The following DLG5 variants were observed in gnomAD, a reference collection of about 807,000 sequenced individuals.
DLG5 encodes discs large MAGUK scaffold protein 5.
A neutral mutation model predicts 189.8 loss-of-function variants in DLG5; 48 were observed. That is an observed-to-expected ratio of 0.25 (90% CI 0.20 to 0.32). The LOEUF is 0.32. Ranked by LOEUF, DLG5 falls within the 10% of genes least tolerant of loss-of-function variation. The pLI is 1.00. For synonymous variants in DLG5, 1,016 were observed against 1,054.1 expected (o/e 0.96, Z 0.70); for missense variants, 2,160 against 2,544.7 (o/e 0.85, Z 3.25).
chr10:77,935,509 G>C, the DLG5 span, among the ~76,000 whole-genome samples: 2 of 152,260 alleles, frequency 1.3e-5, no homozygotes, highest in African/African-American at 4.8e-5. Context: ...GCCCCACTCT[G>C]GCCTTGGATT....
At chr10:77,818,669 G>T (rs1842183098) in intron 17 of DLG5, among the ~76,000 whole-genome samples, 1 of 152,120 alleles carries the variant, frequency 6.6e-6, no homozygotes, top group African/African-American at 2.4e-5. Flanking sequence ...CTGCCACAGG[G>T]CCCTTCCTGA....
rs747443046 is a variant in DLG5 at position 77,806,744 on chromosome 10, C to T, written c.4967+14G>A. The T allele has an allele frequency of 1.4e-5, 22 of 1,595,472 alleles. No individual in the cohort carries two copies. Among genetic ancestry groups the T allele is most frequent in the Non-Finnish European group, 1.5e-5 (17 of 1,164,750 alleles). Reference sequence around the variant, plus strand: ...CCCCTGCCCCACCCCACCCCAGGCCCGGAGAACACTTACACATATTTGCTG... The same window carrying T: ...CCCCTGCCCCACCCCACCCCAGGCCTGGAGAACACTTACACATATTTGCTG... On this transcript the variant is annotated intron_variant, in intron 26 of 31. Coordinates refer to ENST00000372391, the MANE Select transcript of DLG5 (RefSeq NM_004747.4).
At chr10:77,880,962 CTTTTTTTTTTTTTTTTT>C (rs61636782) in intron 1 of DLG5, among the ~76,000 whole-genome samples, 3 of 73,238 alleles carry the variant, frequency 4.1e-5, no homozygotes, top group Non-Finnish European at 7.1e-5. Flanking sequence ...AACCCTAGAC[CTTTTTTTTTTTTTTTTT>C]TTTTTTTTTT....
intron 1 of DLG5, among the ~76,000 whole-genome samples, chr10:77,911,549 G>A (rs1037923516): frequency 4.6e-5 from 7 of 152,134 alleles, no homozygotes; most frequent in African/African-American, 1.7e-4. Context: ...ATAGCAGATT[G>A]GCAATGGTCA....
chr10:77,867,202 C>T, intron 2 of DLG5: 1 of 404,190 alleles, frequency 2.5e-6, no homozygotes, highest in South Asian at 1.8e-5. Flanking sequence ...CCTACTCAGG[C>T]TGGGAATTCC....
chr10:77,868,051 G>GCCCGGGACAGATCTCT (rs1564563362), intron 2 of DLG5: 1 of 456,694 alleles, frequency 2.2e-6, no homozygotes, highest in Admixed American at 2.3e-5. Context: ...GAGGAGAGAG[G>GCCCGGGACAGATCTCT]CCCGGGACAG....
chr10:77,891,139 A>T (rs1845594297), intron 1 of DLG5, among the ~76,000 whole-genome samples: 1 of 151,970 alleles, frequency 6.6e-6, no homozygotes, highest in South Asian at 2.1e-4. Flanking sequence ...CTGCTCCCCT[A>T]TCTCCCTATG....
chr10:77,938,546 C>T, the DLG5 span, among the ~76,000 whole-genome samples: 2 of 152,306 alleles, frequency 1.3e-5, no homozygotes, highest in South Asian at 4.1e-4. Context: ...TCCATAAGAA[C>T]ACTTCCATTT....
At chr10:77,809,869 G>T (rs3816171) in intron 23 of DLG5, 139 bp from the exon 24 acceptor site, 2 of 1,012,338 alleles carry the variant, frequency 2.0e-6, no homozygotes, top group East Asian at 5.2e-5. Flanking sequence ...GTGGCCTCTA[G>T]TTCTACTGGC....
At chr10:77,819,809 T>G in intron 16 of DLG5, 86 bp downstream of exon 16, 1 of 1,493,052 alleles carries the variant, frequency 6.7e-7, no homozygotes, top group Middle Eastern at 2.1e-4. Flanking sequence ...GGCAGCTCTC[T>G]GAAATGCTGC....
At chr10:77,873,031 GCACACA>G (rs1554826890) in intron 1 of DLG5, among the ~76,000 whole-genome samples, 10 of 45,488 alleles carry the variant, frequency 2.2e-4, no homozygotes, top group African/African-American at 4.1e-4. Flanking sequence ...GTGTGTGTGT[GCACACA>G]CACACACACA....
At chr10:77,876,755 AAAAAGT>A (rs1845111456) in intron 1 of DLG5, among the ~76,000 whole-genome samples, 1 of 139,730 alleles carries the variant, frequency 7.2e-6, no homozygotes, top group South Asian at 2.4e-4. Context: ...AAGGAAAAAA[AAAAAGT>A]AAAGGGGAAG....
rs1840680617 is a variant in DLG5, at chr10:77,792,377, A to G, written c.*63T>C. ...CAGACTTCTACTTTCAGTCGCTAGA[A>G]AAGAGCTGAGTCTGGTGTCCCCTCA... On this transcript the variant is annotated 3_prime_UTR_variant, in exon 32 of 32. Coordinates refer to ENST00000372391, the MANE Select transcript of DLG5 (RefSeq NM_004747.4). The G allele has an allele frequency of 6.1e-6, 9 of 1,475,474 alleles. No homozygotes were observed. The highest frequency in any genetic ancestry group is 1.4e-5 in the African/African-American group (1 of 72,166). The allele number at this position is 1,475,474 out of a possible 1,614,324, so 91.4% of individuals were successfully genotyped here.
intron 6 of DLG5, among the ~76,000 whole-genome samples, chr10:77,842,999 G>A (rs1281007489): frequency 1.3e-5 from 2 of 152,166 alleles, no homozygotes; most frequent in African/African-American, 2.4e-5. Context: ...CACTGTTTGA[G>A]GGCATATATC....
At chr10:77,916,781 A>G (rs975590424) in intron 1 of DLG5, among the ~76,000 whole-genome samples, 10 of 151,836 alleles carry the variant, frequency 6.6e-5, no homozygotes, top group African/African-American at 2.4e-4. Flanking sequence ...AAAGAAGAGA[A>G]AGCAGGGACT....
At chr10:77,801,543 G>C (rs115377513) in intron 27 of DLG5, among the ~76,000 whole-genome samples, 2,173 of 152,294 alleles carry the variant, frequency 0.014, 49 homozygotes, top group African/African-American at 0.05. Context: ...CTGCGGCCAG[G>C]AATCTCCAAA....
intron 27 of DLG5, among the ~76,000 whole-genome samples, chr10:77,804,502 C>T (rs1841374910): frequency 6.6e-6 from 1 of 152,174 alleles, no homozygotes; most frequent in South Asian, 2.1e-4. Context: ...GGGAGGGAGG[C>T]AGCCAGCTGC....
chr10:77,887,381 G>A (rs1845470549), intron 1 of DLG5, among the ~76,000 whole-genome samples: 1 of 152,184 alleles, frequency 6.6e-6, no homozygotes, highest in Non-Finnish European at 1.5e-5. Flanking sequence ...CACTGTCTGA[G>A]CCCACTGTGC....
chr10:77,811,889 C>T, intron 22 of DLG5, 35 bp downstream of exon 22: 1 of 1,581,006 alleles, frequency 6.3e-7, no homozygotes, highest in South Asian at 1.1e-5. Flanking sequence ...CCTCTCCACC[C>T]CCAGCCCAGA....
Sources: gnomAD v4.1 joint callset for allele counts (sites outside exome capture counted in the v4.1 genomes callset) on GRCh38, gnomAD v4.1.1 for gene constraint, MANE v1.5 for transcripts, NCBI Gene and HGNC (gene_info 2026-07-23, HGNC 2026-07-21) for gene names.